SRSF11: variants seen among roughly 807,000 people sequenced by gnomAD.
SRSF11 encodes the protein serine and arginine rich splicing factor 11.
A neutral mutation model predicts 56.0 loss-of-function variants in SRSF11; 9 were observed. The ratio of observed to expected loss-of-function variants is 0.16; its 90% CI spans 0.10 to 0.28. SRSF11 has a LOEUF of 0.28. SRSF11 is among the 10% of genes least tolerant of loss of function. The pLI is 1.00. For missense variants in SRSF11, 421 were observed against 600.7 expected (o/e 0.70, Z 3.13); for synonymous variants, 222 against 215.3 (o/e 1.03, Z -0.27).
intron 2 of SRSF11, chr1:70,231,280 A>G (rs1672796546): frequency 1.7e-6 from 2 of 1,175,070 alleles, no homozygotes; most frequent in Non-Finnish European, 2.1e-6. Context: ...ATGTAGTTTA[A>G]TTGTATTATT....
At chr1:70,244,480 G>A (rs549641697) in intron 7 of SRSF11, among the ~76,000 whole-genome samples, 5 of 152,194 alleles carry the variant, frequency 3.3e-5, no homozygotes, top group African/African-American at 1.2e-4. Flanking sequence ...AAAAGGTGAG[G>A]AATTCCAAGT....
At chr1:70,236,332 C>CTTTTTTTTTTTTTTTTT (rs554617176) in intron 5 of SRSF11, among the ~76,000 whole-genome samples, 9 of 133,858 alleles carry the variant, frequency 6.7e-5, no homozygotes, top group Non-Finnish European at 1.1e-4. Flanking sequence ...CTTTCTTTTT[C>CTTTTTTTTTTTTTTTTT]TTTTTTTTTT....
intron 1 of SRSF11, among the ~76,000 whole-genome samples, chr1:70,208,527 A>C (rs1242608313): frequency 2.6e-5 from 4 of 152,100 alleles, no homozygotes; most frequent in African/African-American, 7.2e-5. Context: ...TAGCAGAGGC[A>C]GGGTTTCGCC....
intron 3 of SRSF11, among the ~76,000 whole-genome samples, chr1:70,233,355 C>T (rs1673253079): frequency 6.6e-6 from 1 of 152,066 alleles, no homozygotes; most frequent in Non-Finnish European, 1.5e-5. Context: ...AGCGATTCTG[C>T]CCCAGCCTCC....
At position 70,221,455 on chromosome 1, in the gene SRSF11, C is replaced by G. The variant is rs548830799; in HGVS notation, c.-182C>G. 1 of 884,132 alleles carries G rather than the reference C, an allele frequency of 1.1e-6. No individual in the cohort carries two copies. The highest frequency in any genetic ancestry group is 2.6e-5 in the Admixed American group (1 of 39,156). 54.8% of individuals were successfully genotyped at this position (884,132 alleles called of 1,614,324 possible). Reference sequence around the variant, plus strand: ...TCGAGCTCGCGCGCTCTCATCCCCTCCCCCGCGGCGTGCGGCGGGGCGGAG... The same window carrying G: ...TCGAGCTCGCGCGCTCTCATCCCCTGCCCCGCGGCGTGCGGCGGGGCGGAG... On this transcript the variant is annotated 5_prime_UTR_variant, in exon 1 of 12. Coordinates refer to ENST00000370949, the MANE Select transcript of SRSF11 (RefSeq NM_001350605.2).
chr1:70,233,439 C>T (rs1328523106), intron 3 of SRSF11, among the ~76,000 whole-genome samples: 1 of 152,108 alleles, frequency 6.6e-6, no homozygotes, highest in Non-Finnish European at 1.5e-5. Context: ...GGGGTTTCAC[C>T]ATGTTGGCCA....
intron 9 of SRSF11, chr1:70,249,290 T>C (rs1677452374): frequency 1.3e-5 from 2 of 152,232 alleles, no homozygotes; most frequent in Non-Finnish European, 2.9e-5. Context: ...TATTGAATTA[T>C]TCTGTACTTA....
Position 70,207,364 on chromosome 1 carries a change from G to A in SRSF11, c.-26+1584G>A, listed in dbSNP as rs111639715. ...ATTTAACACAGTGACTAATTTTGCA[G>A]ATAAGGAAATTGAGGCTAAAAGGGG... On this transcript the variant is annotated intron_variant, in intron 1 of 12. Coordinates refer to the SRSF11 transcript ENST00000370950. Among the ~76,000 whole-genome samples, 493 of 152,240 alleles carry A rather than the reference G, an allele frequency of 3.2e-3. 2 individuals carry two copies. The highest frequency in any genetic ancestry group is 0.011 in the African/African-American group (467 of 41,528).
chr1:70,220,012 T>G (rs1670374868), upstream of SRSF11, among the ~76,000 whole-genome samples: 1 of 151,966 alleles, frequency 6.6e-6, no homozygotes, highest in Non-Finnish European at 1.5e-5. Flanking sequence ...AAGTGAATTA[T>G]TTAGTGAACT....
chr1:70,222,857 G>A (rs2100610710), intron 1 of SRSF11: 2 of 152,264 alleles, frequency 1.3e-5, no homozygotes, highest in Middle Eastern at 6.8e-3. Flanking sequence ...TTATCATAAT[G>A]AGATATTTGT....
chr1:70,242,190 CTG>C (rs1042113597), intron 7 of SRSF11, among the ~76,000 whole-genome samples: 2 of 151,656 alleles, frequency 1.3e-5, no homozygotes, highest in Non-Finnish European at 2.9e-5. Context: ...AAGGGAGAGC[CTG>C]TGTCTTTTTC....
exon 1 of SRSF11, chr1:70,205,740 T>C (rs1186183297): frequency 8.1e-6 from 4 of 491,276 alleles, no homozygotes; most frequent in African/African-American, 5.7e-5. Context: ...GCCTTTTCCG[T>C]TGCCGGTGCC....
At chr1:70,220,246 C>G (rs938430117), upstream of SRSF11, among the ~76,000 whole-genome samples, 3 of 152,200 alleles carry the variant, frequency 2.0e-5, no homozygotes, top group African/African-American at 4.8e-5. Context: ...AAGGAATGCT[C>G]TACAGAAGAT....
intron 8 of SRSF11, 48 bp from the exon 9 acceptor site, chr1:70,246,770 C>A: frequency 1.6e-6 from 2 of 1,242,550 alleles, no homozygotes; most frequent in Non-Finnish European, 2.3e-6. Context: ...TATAAATTGG[C>A]ATCAGCTGAG....
upstream of SRSF11, among the ~76,000 whole-genome samples, chr1:70,216,544 A>G (rs1203908283): frequency 6.6e-6 from 1 of 151,174 alleles, no homozygotes; most frequent in Non-Finnish European, 1.5e-5. Context: ...GTGATCCTCC[A>G]CTTCAGCCTC....
chr1:70,233,923 A>G (rs1352172583), intron 3 of SRSF11, among the ~76,000 whole-genome samples: 1 of 152,242 alleles, frequency 6.6e-6, no homozygotes, highest in African/African-American at 2.4e-5. Context: ...TGAATACAGG[A>G]ATCACAAGTA....
chr1:70,228,213 T>C (rs935556885), intron 1 of SRSF11, among the ~76,000 whole-genome samples: 1 of 152,212 alleles, frequency 6.6e-6, no homozygotes, highest in African/African-American at 2.4e-5. Context: ...ATATAAGTTA[T>C]GATTATAAGT....
chr1:70,224,928 AC>A (rs1457000156), intron 1 of SRSF11, among the ~76,000 whole-genome samples: 1 of 152,136 alleles, frequency 6.6e-6, no homozygotes, highest in East Asian at 1.9e-4. Context: ...ATCCTTACAA[AC>A]CTGGAGGAAA....
intron 5 of SRSF11, among the ~76,000 whole-genome samples, chr1:70,236,792 ATTTTTTTTTTTTTTTTTTTT>A (rs35602423): frequency 1.2e-5 from 1 of 83,738 alleles, no homozygotes; most frequent in African/African-American, 4.3e-5. Flanking sequence ...TATGTCATAA[ATTTTTTTTTTTTTTTTTTTT>A]TTTTTTTTTG....
Sources: gnomAD v4.1 joint callset for allele counts (sites outside exome capture counted in the v4.1 genomes callset) on GRCh38, gnomAD v4.1.1 for gene constraint, MANE v1.5 for transcripts, NCBI Gene and HGNC (gene_info 2026-07-23, HGNC 2026-07-21) for gene names.